Variants in CLVS1 observed in about 807,000 individuals in gnomAD.
CLVS1 encodes clavesin 1, also known as clavesin-1.
CLVS1 carries 10 observed loss-of-function variants against 33.1 expected under a neutral mutation model. The ratio of observed to expected loss-of-function variants is 0.30; its 90% CI spans 0.19 to 0.51. The LOEUF (loss-of-function observed/expected upper bound fraction) is 0.51, where lower values mean the gene tolerates loss of function less well. CLVS1 is among the 20% of genes least tolerant of loss of function. CLVS1 has a pLI of 0.97. For missense variants in CLVS1, 343 were observed against 433.4 expected, an observed-to-expected ratio of 0.79 and a Z score of 1.85; for synonymous variants, 163 against 166.1, an observed-to-expected ratio of 0.98 and a Z score of 0.14.
At chr8:61,186,024 A>G (rs1300623379) in intron 2 of CLVS1, among the ~76,000 whole-genome samples, 1 of 152,184 alleles carries the variant, frequency 6.6e-6, no homozygotes, top group African/African-American at 2.4e-5. Flanking sequence ...AGAGTAAGCA[A>G]GGCTGTTCTT....
At chr8:61,372,534 G>A (rs1813481696) in intron 2 of CLVS1, among the ~76,000 whole-genome samples, 1 of 151,554 alleles carries the variant, frequency 6.6e-6, no homozygotes, top group South Asian at 2.1e-4. Context: ...CAGTGTTACT[G>A]TTACGACTAA....
chr8:61,314,904 G>A (rs1810960173), intron 2 of CLVS1, among the ~76,000 whole-genome samples: 2 of 152,152 alleles, frequency 1.3e-5, no homozygotes, highest in Admixed American at 6.5e-5. Flanking sequence ...TGTGTTATAG[G>A]TGAGAAACCA....
chr8:61,069,491 G>C (rs1804751026), intron 1 of CLVS1, among the ~76,000 whole-genome samples: 2 of 151,714 alleles, frequency 1.3e-5, no homozygotes, highest in African/African-American at 4.8e-5. Context: ...TTTATCAGCA[G>C]TCACACTTTC....
chr8:61,371,916 G>A (rs4738887), intron 2 of CLVS1, among the ~76,000 whole-genome samples: 85,938 of 151,932 alleles, frequency 0.57, 28,524 homozygotes, highest in Non-Finnish European at 0.73. Flanking sequence ...CCTTTATGGG[G>A]AAAAAATTTA....
chr8:61,369,517 C>T (rs1223351507), intron 2 of CLVS1, among the ~76,000 whole-genome samples: 2 of 152,160 alleles, frequency 1.3e-5, no homozygotes, highest in African/African-American at 4.8e-5. Context: ...CACCTGGAAA[C>T]AAAACAATTA....
chr8:61,029,590 CTT>C, the CLVS1 span, among the ~76,000 whole-genome samples: 8 of 147,628 alleles, frequency 5.4e-5, no homozygotes, highest in South Asian at 8.7e-4. Context: ...AAACAAATTT[CTT>C]TTTTTTTTTA....
rs182011910 is a variant in CLVS1, at chr8:61,309,067, C to T, written c.455+8785C>T. Among the ~76,000 whole-genome samples, 197 of 152,310 alleles carry T rather than the reference C, an allele frequency of 1.3e-3. 5 individuals carry two copies. Among genetic ancestry groups the T allele is most frequent in the African/African-American group, 1.6e-3 (68 of 41,566 alleles). On this transcript the variant is annotated intron_variant, in intron 2 of 5. Coordinates refer to ENST00000325897, the MANE Select transcript of CLVS1 (RefSeq NM_173519.3). The stretch of plus-strand genomic sequence containing the variant: ...GTAGAGGGTGGCTCAATGTAAACAA[C>T]GCAGCCATTCCGTGTGTATTCGAAT...
At chr8:61,181,889 G>C (rs1807242375) in intron 2 of CLVS1, among the ~76,000 whole-genome samples, 1 of 151,812 alleles carries the variant, frequency 6.6e-6, no homozygotes, top group African/African-American at 2.4e-5. Flanking sequence ...TTTTAGTAGA[G>C]ATGGGGTTTC....
chr8:61,398,039 G>A (rs747016922), intron 3 of CLVS1, among the ~76,000 whole-genome samples: 2 of 152,108 alleles, frequency 1.3e-5, no homozygotes, highest in Non-Finnish European at 2.9e-5. Context: ...GCACAAAAAA[G>A]GAGCTTGGAT....
intron 2 of CLVS1, among the ~76,000 whole-genome samples, chr8:61,260,820 G>C (rs1809188047): frequency 6.6e-6 from 1 of 152,232 alleles, no homozygotes; most frequent in Admixed American, 6.5e-5. Context: ...GCCTGATCCA[G>C]AAAGTGAGTC....
At chr8:61,000,791 G>T in the CLVS1 span, among the ~76,000 whole-genome samples, 4 of 152,146 alleles carry the variant, frequency 2.6e-5, no homozygotes, top group Non-Finnish European at 4.4e-5. Context: ...CCTTCACAGT[G>T]ACTGAACCCT....
chr8:61,150,400 A>G (rs1269341391), intron 2 of CLVS1, among the ~76,000 whole-genome samples: 1 of 151,884 alleles, frequency 6.6e-6, no homozygotes, highest in Non-Finnish European at 1.5e-5. Context: ...TCCTTTCCAC[A>G]TTTCTCTAAG....
chr8:61,020,865 T>G, the CLVS1 span, among the ~76,000 whole-genome samples: 8 of 152,342 alleles, frequency 5.3e-5, no homozygotes, highest in East Asian at 3.9e-4. Flanking sequence ...TATTTTGAAT[T>G]ACTCCAGAGC....
At chr8:60,992,428 C>T in the CLVS1 span, among the ~76,000 whole-genome samples, 1 of 152,062 alleles carries the variant, frequency 6.6e-6, no homozygotes, top group Non-Finnish European at 1.5e-5. Flanking sequence ...ACGGAGTTTC[C>T]CTGAGAAGCA....
At chr8:61,375,513 A>T (rs1161885156) in intron 2 of CLVS1, among the ~76,000 whole-genome samples, 1 of 152,176 alleles carries the variant, frequency 6.6e-6, no homozygotes, top group African/African-American at 2.4e-5. Context: ...GGCCTCTAAA[A>T]GTCCTGGGAT....
intron 1 of CLVS1, among the ~76,000 whole-genome samples, chr8:61,083,645 A>T (rs899465806): frequency 1.3e-5 from 2 of 152,174 alleles, no homozygotes; most frequent in African/African-American, 4.8e-5. Flanking sequence ...TAACATTGGA[A>T]AATTGGTAGG....
chr8:61,477,355 A>G (rs1459910255), intron 5 of CLVS1, among the ~76,000 whole-genome samples: 2 of 152,022 alleles, frequency 1.3e-5, no homozygotes, highest in Non-Finnish European at 2.9e-5. Context: ...TATTGATTGG[A>G]ATAGTTTCAG....
intron 2 of CLVS1, among the ~76,000 whole-genome samples, chr8:61,196,777 A>G (rs1404625349): frequency 6.6e-6 from 1 of 152,214 alleles, no homozygotes; most frequent in Non-Finnish European, 1.5e-5. Context: ...TCTTTTAGTA[A>G]TAACATCTTC....
intron 2 of CLVS1, among the ~76,000 whole-genome samples, chr8:61,198,134 G>C: frequency 6.6e-6 from 1 of 152,130 alleles, no homozygotes. Flanking sequence ...AAATGATGTA[G>C]GCTTCTATTC....
Sources: gnomAD v4.1 joint callset for allele counts (sites outside exome capture counted in the v4.1 genomes callset) on GRCh38, gnomAD v4.1.1 for gene constraint, MANE v1.5 for transcripts, NCBI Gene and HGNC (gene_info 2026-07-23, HGNC 2026-07-21) for gene names.